Variants in ERAP1 observed in about 807,000 individuals in gnomAD.
ERAP1 encodes adipocyte-derived leucine aminopeptidase.
ERAP1 carries 86 observed loss-of-function variants against 103.7 expected under a neutral mutation model. The observed-to-expected ratio is 0.83, with a 90% CI of 0.70 to 0.99. ERAP1 has a LOEUF of 0.99. ERAP1 is among the 50% of genes least tolerant of loss of function. ERAP1 has a pLI of 0.00. For synonymous variants in ERAP1, 398 were observed against 402.4 expected, an observed-to-expected ratio of 0.99 and a Z score of 0.13; for missense variants, 1,009 against 1,128.4, an observed-to-expected ratio of 0.89 and a Z score of 1.52.
exon 20 of ERAP1, chr5:96,762,207 A>G (rs1459304761): frequency 6.5e-6 from 6 of 927,452 alleles, no homozygotes; most frequent in Non-Finnish European, 9.9e-6. Flanking sequence ...AGTTATAGTT[A>G]AGTGATGGCA....
At chr5:96,884,806 A>G in the ERAP1 span, among the ~76,000 whole-genome samples, 2 of 152,166 alleles carry the variant, frequency 1.3e-5, no homozygotes, top group Admixed American at 1.3e-4. Flanking sequence ...GCAGGGTCCA[A>G]GTGCTAGTAG....
At chr5:96,908,169 A>G in the ERAP1 span, among the ~76,000 whole-genome samples, 3 of 152,208 alleles carry the variant, frequency 2.0e-5, no homozygotes, top group African/African-American at 7.2e-5. Flanking sequence ...TTGTTCTGGA[A>G]TCAGTTTCCA....
chr5:96,862,562 C>G, the ERAP1 span, among the ~76,000 whole-genome samples: 1 of 152,166 alleles, frequency 6.6e-6, no homozygotes, highest in African/African-American at 2.4e-5. Flanking sequence ...GAACTTGTAA[C>G]AGAAACTCCC....
At chr5:96,893,064 T>C in the ERAP1 span, among the ~76,000 whole-genome samples, 1 of 152,168 alleles carries the variant, frequency 6.6e-6, no homozygotes, top group Non-Finnish European at 1.5e-5. Context: ...AAGTATTAGT[T>C]ATTAATGATG....
the ERAP1 span, among the ~76,000 whole-genome samples, chr5:96,921,674 G>T: frequency 6.6e-6 from 1 of 152,274 alleles, no homozygotes; most frequent in African/African-American, 2.4e-5. Flanking sequence ...TGACAGAGAA[G>T]GTCAGGAAAC....
the ERAP1 span, among the ~76,000 whole-genome samples, chr5:96,923,093 C>G: frequency 6.6e-6 from 1 of 152,198 alleles, no homozygotes; most frequent in East Asian, 1.9e-4. Context: ...CCTGCTTCAG[C>G]TTCCCACGTA....
chr5:96,793,733 G>C, intron 6 of ERAP1, 70 bp downstream of exon 6: 1 of 1,341,170 alleles, frequency 7.5e-7, no homozygotes. Context: ...TATATAAATA[G>C]CCTTATATGT....
the ERAP1 span, chr5:96,909,796 C>G: frequency 1.9e-6 from 3 of 1,598,844 alleles, no homozygotes; most frequent in Non-Finnish European, 2.6e-6. Flanking sequence ...ACCCTTTGTT[C>G]TTTTCTCTTT....
intron 19 of ERAP1, chr5:96,767,559 T>G: frequency 9.5e-7 from 1 of 1,048,944 alleles, no homozygotes; most frequent in Admixed American, 1.8e-5. Flanking sequence ...TTTAGAAAAC[T>G]AAAACATATT....
chr5:96,818,351 T>G, the ERAP1 span, among the ~76,000 whole-genome samples: 20 of 151,994 alleles, frequency 1.3e-4, no homozygotes, highest in East Asian at 3.7e-3. Flanking sequence ...GCCACCGCGA[T>G]GAGGCCAAGG....
chr5:96,780,932 T>G (rs1002531952), intron 17 of ERAP1, 126 bp downstream of exon 17: 50 of 1,087,644 alleles, frequency 4.6e-5, no homozygotes, highest in South Asian at 1.4e-5. Flanking sequence ...TTTTAGGTAT[T>G]TCTACTGCCT....
At position 96,794,171 on chromosome 5, in the gene ERAP1, CTTTTTTTTTTT is replaced by C. The variant is rs35041937; in HGVS notation, c.920-225_920-215del. 6.0e-3 allele frequency among the ~76,000 whole-genome samples: 412 copies of C among 68,756 alleles called. 4 individuals carry two copies. Among genetic ancestry groups the C allele is most frequent in the African/African-American group, 0.024 (380 of 16,080 alleles). The allele number at this position is 68,756 out of a possible 152,430, so 45.1% of individuals were successfully genotyped here. On this transcript the variant is annotated intron_variant, in intron 5 of 18. Coordinates refer to ENST00000443439, the MANE Select transcript of ERAP1 (RefSeq NM_001040458.3). ...GCAAAGTCAGACTTGCATCTCAGGC[CTTTTTTTTTTT>C]TTTTTTTTTTTTTTTTTGGAAACAA...
intron 4 of ERAP1, among the ~76,000 whole-genome samples, chr5:96,796,485 T>G (rs547457394): frequency 2.0e-5 from 3 of 152,210 alleles, no homozygotes; most frequent in Non-Finnish European, 4.4e-5. Context: ...AACATTTACT[T>G]CCAAACTGCA....
At chr5:96,880,077 T>G in the ERAP1 span, 3 of 1,614,062 alleles carry the variant, frequency 1.9e-6, no homozygotes, top group Admixed American at 3.3e-5. Flanking sequence ...TCAAGATACA[T>G]GAAACCAGGA....
chr5:96,929,077 T>TA, the ERAP1 span, among the ~76,000 whole-genome samples: 1 of 152,140 alleles, frequency 6.6e-6, no homozygotes, highest in African/African-American at 2.4e-5. Flanking sequence ...CCACAAGGGA[T>TA]AAAGCAAGGG....
intron 3 of ERAP1, among the ~76,000 whole-genome samples, chr5:96,797,668 G>A (rs1201188283): frequency 6.6e-6 from 1 of 152,076 alleles, no homozygotes; most frequent in Non-Finnish European, 1.5e-5. Context: ...CCTGTCTAAT[G>A]ACGCTTCTAT....
the ERAP1 span, among the ~76,000 whole-genome samples, chr5:96,850,085 C>G: frequency 6.6e-6 from 1 of 152,118 alleles, no homozygotes; most frequent in East Asian, 1.9e-4. Context: ...ACCTCCTATA[C>G]AAGAATCAAC....
Position 96,800,987 on chromosome 5 carries a change from T to C in ERAP1, c.538A>G (p.Thr180Ala), listed in dbSNP as rs777740803. 5 of 1,614,146 alleles carry C rather than the reference T, an allele frequency of 3.1e-6. No individual in the cohort carries two copies. Among genetic ancestry groups the C allele is most frequent in the Admixed American group, 1.7e-5 (1 of 60,026 alleles). Reference sequence around the variant, plus strand: ...CTAGCTGCAGTGGGTTCAAATTGTGTTGATGCTAGTATCCTAAAATTAAGG... The same window carrying C: ...CTAGCTGCAGTGGGTTCAAATTGTGCTGATGCTAGTATCCTAAAATTAAGG... ...KEGELRILASTQFEPTAARMA... is the reference protein window; with the variant it reads ...KEGELRILASAQFEPTAARMA... The change falls in exon 3 of 19, where the codon ACA (threonine) becomes GCA (alanine). Residue 180 changes from threonine to alanine, a missense_variant. Physicochemically the swap from Thr to Ala is moderately conservative, Grantham distance 58. This residue lies in a region of ERAP1 where 392 missense variants were observed against 455.2 expected (regional missense o/e 0.86). Transcript: ENST00000443439.
the ERAP1 span, among the ~76,000 whole-genome samples, chr5:96,853,216 G>T: frequency 2.0e-5 from 3 of 152,154 alleles, no homozygotes; most frequent in African/African-American, 7.2e-5. Flanking sequence ...AAAACCTACT[G>T]ACAAAGGAAT....
Sources: gnomAD v4.1 joint callset for allele counts (sites outside exome capture counted in the v4.1 genomes callset) on GRCh38, gnomAD v4.1.1 for gene constraint, gnomAD v4.1.1 regional missense constraint, MANE v1.5 for transcripts, NCBI Gene and HGNC (gene_info 2026-07-23, HGNC 2026-07-21) for gene names.